The following CACNA2D1 variants were observed in gnomAD, a reference collection of about 807,000 sequenced individuals.
CACNA2D1 encodes voltage-dependent calcium channel subunit alpha-2/delta-1.
In CACNA2D1, 53 loss-of-function variants were observed where a neutral mutation model predicts 171.5. The observed-to-expected ratio is 0.31, with a 90% CI of 0.25 to 0.39. The LOEUF is 0.39. Ranked by LOEUF, CACNA2D1 falls within the 10% of genes least tolerant of loss-of-function variation. The pLI is 1.00. For synonymous variants in CACNA2D1, 442 were observed against 443.1 expected, an observed-to-expected ratio of 1.00 and a Z score of 0.03; for missense variants, 903 against 1,299.8, an observed-to-expected ratio of 0.69 and a Z score of 4.69.
At chr7:82,422,621 C>T (rs941443478) in intron 1 of CACNA2D1, among the ~76,000 whole-genome samples, 4 of 152,078 alleles carry the variant, frequency 2.6e-5, no homozygotes, top group African/African-American at 4.8e-5. Context: ...TTCTAGGAAA[C>T]TAGTTTATCT....
intron 18 of CACNA2D1, among the ~76,000 whole-genome samples, chr7:81,997,906 C>G (rs961045242): frequency 6.6e-6 from 1 of 151,840 alleles, no homozygotes; most frequent in African/African-American, 2.4e-5. Context: ...TAAAGTCTTA[C>G]TAGGATAATA....
chr7:82,135,289 G>A (rs1467533730), intron 5 of CACNA2D1, among the ~76,000 whole-genome samples: 1 of 151,960 alleles, frequency 6.6e-6, no homozygotes, highest in Non-Finnish European at 1.5e-5. Context: ...AAAATATCAA[G>A]TGCTAATTAT....
At chr7:82,015,773 C>A (rs1800369106) in intron 12 of CACNA2D1, among the ~76,000 whole-genome samples, 1 of 152,116 alleles carries the variant, frequency 6.6e-6, no homozygotes, top group Non-Finnish European at 1.5e-5. Flanking sequence ...TTAACTGTTG[C>A]ACATGATTTC....
chr7:82,018,071 C>T (rs1800724304), intron 12 of CACNA2D1, among the ~76,000 whole-genome samples: 1 of 152,210 alleles, frequency 6.6e-6, no homozygotes, highest in African/African-American at 2.4e-5. Flanking sequence ...TTTATGTAGG[C>T]TCATCTTTCA....
intron 36 of CACNA2D1, 149 bp from the exon 37 acceptor site, chr7:81,959,978 A>G: frequency 1.6e-6 from 2 of 1,282,946 alleles, no homozygotes; most frequent in Non-Finnish European, 2.1e-6. Context: ...ATGATTTTAG[A>G]AGAAAAAAAT....
chr7:82,427,475 G>C (rs186857909), intron 1 of CACNA2D1, among the ~76,000 whole-genome samples: 40 of 152,280 alleles, frequency 2.6e-4, no homozygotes, highest in African/African-American at 9.1e-4. Flanking sequence ...AAGATGTTAC[G>C]AAGGTAGGTC....
intron 1 of CACNA2D1, among the ~76,000 whole-genome samples, chr7:82,354,339 C>T (rs940247732): frequency 6.6e-6 from 1 of 152,072 alleles, no homozygotes; most frequent in Non-Finnish European, 1.5e-5. Context: ...TACAACAGTC[C>T]TTTAAAAGGC....
chr7:82,181,805 G>T, intron 3 of CACNA2D1, among the ~76,000 whole-genome samples: 1 of 152,118 alleles, frequency 6.6e-6, no homozygotes, highest in Admixed American at 6.5e-5. Flanking sequence ...ATTGTAATTT[G>T]ATGAACTTTG....
intron 3 of CACNA2D1, among the ~76,000 whole-genome samples, chr7:82,236,148 C>A (rs2129287305): frequency 6.6e-6 from 1 of 152,120 alleles, no homozygotes; most frequent in East Asian, 1.9e-4. Context: ...AAAGAAAAAG[C>A]AACCACGGAG....
intron 3 of CACNA2D1, among the ~76,000 whole-genome samples, chr7:82,253,661 T>C (rs987998626): frequency 6.6e-6 from 1 of 152,352 alleles, no homozygotes; most frequent in East Asian, 1.9e-4. Context: ...CTTATATAAC[T>C]TTTTGTTTAA....
At chr7:81,997,300 G>T in intron 18 of CACNA2D1, 50 bp from the exon 19 acceptor site, 1 of 1,165,094 alleles carries the variant, frequency 8.6e-7, no homozygotes, top group Non-Finnish European at 1.3e-6. Flanking sequence ...ATACAATGAT[G>T]CTGTGTATAA....
intron 3 of CACNA2D1, among the ~76,000 whole-genome samples, chr7:82,189,564 C>T (rs1289604457): frequency 6.6e-6 from 1 of 151,540 alleles, no homozygotes; most frequent in Non-Finnish European, 1.5e-5. Flanking sequence ...AAACAAGATA[C>T]TAGAAAATGA....
intron 6 of CACNA2D1, among the ~76,000 whole-genome samples, chr7:82,111,889 C>T (rs1006174251): frequency 6.6e-6 from 1 of 152,050 alleles, no homozygotes; most frequent in Non-Finnish European, 1.5e-5. Flanking sequence ...TACTTTCTAA[C>T]ATATTGTTTT....
intron 3 of CACNA2D1, among the ~76,000 whole-genome samples, chr7:82,181,982 T>A (rs1300779957): frequency 1.3e-5 from 2 of 152,198 alleles, no homozygotes; most frequent in African/African-American, 2.4e-5. Flanking sequence ...ATTTATTAAT[T>A]TGCATTAACA....
At chr7:82,319,027 A>G (rs1288914681) in intron 3 of CACNA2D1, among the ~76,000 whole-genome samples, 1 of 152,224 alleles carries the variant, frequency 6.6e-6, no homozygotes, top group Non-Finnish European at 1.5e-5. Flanking sequence ...CTTGGGAATT[A>G]AATGGATCTG....
intron 10 of CACNA2D1, among the ~76,000 whole-genome samples, chr7:82,040,940 A>G (rs532693139): frequency 7.9e-5 from 12 of 152,020 alleles, no homozygotes; most frequent in South Asian, 4.2e-4. Context: ...ACGCCATTGC[A>G]CTCCAGCCTG....
intron 5 of CACNA2D1, among the ~76,000 whole-genome samples, chr7:82,124,141 A>C (rs1259896360): frequency 6.6e-6 from 1 of 152,190 alleles, no homozygotes; most frequent in Non-Finnish European, 1.5e-5. Flanking sequence ...TAAAGATTGC[A>C]AACTGTAAGG....
intron 1 of CACNA2D1, among the ~76,000 whole-genome samples, chr7:82,440,760 A>G (rs768420520): frequency 6.6e-6 from 1 of 151,892 alleles, no homozygotes; most frequent in East Asian, 1.9e-4. Flanking sequence ...TAACTGACAC[A>G]TCATTTGTTT....
intron 7 of CACNA2D1, among the ~76,000 whole-genome samples, chr7:82,079,101 G>A (rs1213194058): frequency 3.3e-5 from 5 of 152,076 alleles, no homozygotes; most frequent in East Asian, 1.9e-4. Flanking sequence ...TTTATATTAC[G>A]CTAGCTCTAG....
Sources: gnomAD v4.1 joint callset for allele counts (sites outside exome capture counted in the v4.1 genomes callset) on GRCh38, gnomAD v4.1.1 for gene constraint, MANE v1.5 for transcripts, NCBI Gene and HGNC (gene_info 2026-07-23, HGNC 2026-07-21) for gene names.